Variants in CYS1 observed in about 807,000 individuals in gnomAD.
CYS1 encodes the protein cystin-1.
Under a neutral mutation model 9.6 loss-of-function variants are expected in CYS1, and 5 were observed. The observed-to-expected ratio is 0.52, with a 90% CI of 0.27 to 1.10. The LOEUF (loss-of-function observed/expected upper bound fraction) is 1.10. CYS1 is among the 50% of genes least tolerant of loss of function. The pLI, the probability that CYS1 is intolerant of heterozygous loss-of-function variation, is 0.11. For synonymous variants in CYS1, 88 were observed against 95.7 expected (o/e 0.92, Z 0.47); for missense variants, 221 against 207.9 (o/e 1.06, Z -0.39).
Position 10,058,771 on chromosome 2 carries a change from T to C in CYS1, c.*82A>G, listed in dbSNP as rs1661585156. On this transcript the variant is annotated 3_prime_UTR_variant, in exon 3 of 3. Coordinates refer to ENST00000381813, the MANE Select transcript of CYS1 (RefSeq NM_001037160.3). Reference sequence around the variant, plus strand: ...GACTGCGTTTTGGAGGTGGTTCAGCTCCTGCTAGAGCTCTGTGCAAGCAGA... The same window carrying C: ...GACTGCGTTTTGGAGGTGGTTCAGCCCCTGCTAGAGCTCTGTGCAAGCAGA... The C allele has an allele frequency of 1.6e-6, 2 of 1,249,210 alleles. No individual in the cohort carries two copies. Among genetic ancestry groups the C allele is most frequent in the Non-Finnish European group, 2.2e-6 (2 of 904,624 alleles). 77.4% of individuals were successfully genotyped at this position (1,249,210 alleles called of 1,614,324 possible).
chr2:10,078,577 A>T (rs1661892698), intron 1 of CYS1, among the ~76,000 whole-genome samples: 1 of 152,226 alleles, frequency 6.6e-6, no homozygotes, highest in Admixed American at 6.5e-5. Context: ...GATCACGTCC[A>T]CAGACCCTTC....
chr2:10,058,059 C>T lies in CYS1; in HGVS notation c.*794G>A, dbSNP rs537065507. 1 of 152,256 alleles carries T rather than the reference C, an allele frequency of 6.6e-6. No homozygotes were observed. Among genetic ancestry groups the T allele is most frequent in the African/African-American group, 2.4e-5 (1 of 41,452 alleles). The allele number at this position is 152,256 out of a possible 1,614,324, so 9.4% of individuals were successfully genotyped here. On this transcript the variant is annotated 3_prime_UTR_variant, in exon 3 of 3. Transcript: ENST00000381813. The stretch of plus-strand genomic sequence containing the variant: ...CCCGGTTGGACCTGGGCGCTGGCTC[C>T]CCGCAGGGAAGGCACTGCTGTGCCT...
chr2:10,071,020 GC>G (rs143069513), intron 1 of CYS1, among the ~76,000 whole-genome samples: 2,881 of 152,248 alleles, frequency 0.019, 41 homozygotes, highest in Middle Eastern at 0.037. Flanking sequence ...AGGCTGGAGT[GC>G]AGTGGCGTGA....
At chr2:10,079,704 G>A (rs968610736) in intron 1 of CYS1, among the ~76,000 whole-genome samples, 1 of 151,884 alleles carries the variant, frequency 6.6e-6, no homozygotes, top group Non-Finnish European at 1.5e-5. Context: ...TCGCCCCCAC[G>A]CCTGGACACA....
At chr2:10,065,027 C>G (rs1479283412) in intron 2 of CYS1, among the ~76,000 whole-genome samples, 3 of 152,062 alleles carry the variant, frequency 2.0e-5, no homozygotes, top group African/African-American at 7.2e-5. Flanking sequence ...TAGGCGTGAG[C>G]CACTGGGTCC....
chr2:10,065,167 T>C (rs1661678686), intron 2 of CYS1, among the ~76,000 whole-genome samples: 1 of 152,212 alleles, frequency 6.6e-6, no homozygotes, highest in South Asian at 2.1e-4. Context: ...TCAGCACCGC[T>C]GTGGGGCTCA....
chr2:10,071,890 CCT>C (rs1335304363), intron 1 of CYS1, among the ~76,000 whole-genome samples: 7 of 152,050 alleles, frequency 4.6e-5, no homozygotes, highest in Non-Finnish European at 8.8e-5. Context: ...GTGTGTGCGC[CCT>C]GTTTGTATGT....
intron 1 of CYS1, among the ~76,000 whole-genome samples, chr2:10,070,749 C>T (rs1193298592): frequency 6.6e-5 from 10 of 151,486 alleles, no homozygotes; most frequent in Non-Finnish European, 2.9e-5. Flanking sequence ...GCTCAAGCAA[C>T]GGTCCCATCT....
Position 10,059,098 on chromosome 2 carries a change from G to A in CYS1, c.372-140C>T, listed in dbSNP as rs1661591814. 8.3e-6 allele frequency: 6 copies of A among 721,528 alleles called. No homozygotes were observed. The Admixed American group carries it at 1.1e-4, about 14-fold the overall frequency. 44.7% of individuals were successfully genotyped at this position (721,528 alleles called of 1,614,324 possible). A position where few individuals can be genotyped will look rare whatever the true frequency, so the allele number is the denominator to read the frequency against. On this transcript the variant is annotated intron_variant, in intron 2 of 2. Transcript: ENST00000381813. ...TCTTTGCCCTGGGACACCCTGTGGC[G>A]CTCTCGCCCAGCACATATCCACCAG...
At chr2:10,071,075 C>T (rs1661761482) in intron 1 of CYS1, among the ~76,000 whole-genome samples, 1 of 152,216 alleles carries the variant, frequency 6.6e-6, no homozygotes. Flanking sequence ...AAGCGATTCT[C>T]CTGCCTCAGC....
At chr2:10,079,846 C>T in intron 1 of CYS1, 60 bp downstream of exon 1, 14 of 1,020,778 alleles carry the variant, frequency 1.4e-5, no homozygotes, top group Non-Finnish European at 1.7e-5. Context: ...GGGGCGGGGA[C>T]GCGCGGCCGG....
At chr2:10,065,473 A>T (rs1474888972) in intron 2 of CYS1, among the ~76,000 whole-genome samples, 2 of 152,112 alleles carry the variant, frequency 1.3e-5, no homozygotes, top group Non-Finnish European at 2.9e-5. Flanking sequence ...TGCTACCTTC[A>T]AGGGTGTTCA....
Position 10,063,975 on chromosome 2 carries a change from C to T in CYS1, c.371+1929G>A, listed in dbSNP as rs1304051957. Among the ~76,000 whole-genome samples, 2 of 152,224 alleles carry T rather than the reference C, an allele frequency of 1.3e-5. No homozygotes were observed. The highest frequency in any genetic ancestry group is 4.8e-5 in the African/African-American group (2 of 41,444). On this transcript the variant is annotated intron_variant, in intron 2 of 2. Coordinates refer to ENST00000381813, the MANE Select transcript of CYS1 (RefSeq NM_001037160.3). This position sits in a 1 kb window ranked among gnomAD's most constrained non-coding sequence, Gnocchi z 4.2. Reference sequence around the variant, plus strand: ...CAGTGGCTCACGCCCATAATCCCAGCACTTTGGGAGGCCAAGGTGGGCGGA... The same window carrying T: ...CAGTGGCTCACGCCCATAATCCCAGTACTTTGGGAGGCCAAGGTGGGCGGA...
rs1164591260 is a variant in CYS1 at position 10,074,137 on chromosome 2, T to C, written c.318+5769A>G. 3.5e-5 allele frequency among the ~76,000 whole-genome samples: 5 copies of C among 143,920 alleles called. No homozygotes were observed. In the East Asian group the frequency reaches 9.6e-4, roughly 28 times the overall value. The allele number at this position is 143,920 out of a possible 152,430, so 94.4% of individuals were successfully genotyped here. ...CTCCCTCAGCAACTGTACTCTGGTA[T>C]GGCATCAGCCACTATCCAAATGCTG... On this transcript the variant is annotated intron_variant, in intron 1 of 2. Transcript: ENST00000381813.
In CYS1 at chr2:10,058,881, G is replaced by T; in HGVS notation, c.449C>A (p.Ala150Glu). ...GCGGCAGTACTCCCGCTCGATGCTC[G>T]CCATCAGCCCCTCTTCCGAGTGGTC... ...SYDHSEEGLM[A>E]SIEREYCR is the part of the protein sequence containing the mutation. The change falls in exon 3 of 3, where the codon GCG (alanine) becomes GAG (glutamate). Residue 150 changes from alanine to glutamate, a missense_variant. Physicochemically the swap from Ala to Glu is moderately radical, Grantham distance 107. Transcript: ENST00000381813. The T allele has an allele frequency of 1.3e-6, 2 of 1,591,152 alleles. No homozygotes were observed. The highest frequency in any genetic ancestry group is 1.7e-6 in the Non-Finnish European group (2 of 1,169,544).
At position 10,061,396 on chromosome 2, in the gene CYS1, C is replaced by T. The variant is rs547125851; in HGVS notation, c.372-2438G>A. ...TTGTTGGGAAGAAGAGAAATGGGCA[C>T]GGGACGCCCAGACACCCTCAAGGGC... On this transcript the variant is annotated intron_variant, in intron 2 of 2. Transcript: ENST00000381813. Among the ~76,000 whole-genome samples the T allele has an allele frequency of 9.6e-4, 146 of 152,300 alleles. 1 individual carries two copies. Among genetic ancestry groups the T allele is most frequent in the Non-Finnish European group, 1.6e-3 (106 of 68,030 alleles).
chr2:10,075,036 C>T (rs370676373), intron 1 of CYS1, among the ~76,000 whole-genome samples: 17 of 152,014 alleles, frequency 1.1e-4, no homozygotes, highest in Admixed American at 5.2e-4. Context: ...TGCTGGAACC[C>T]GGGAGGCGGA....
chr2:10,079,855 G>A (rs1553317014), intron 1 of CYS1, 51 bp downstream of exon 1: 1 of 1,047,734 alleles, frequency 9.5e-7, no homozygotes, highest in Non-Finnish European at 1.2e-6. Flanking sequence ...ACGCGCGGCC[G>A]GTGAGTGGGG....
chr2:10,064,380 G>A (rs1408715946), intron 2 of CYS1, among the ~76,000 whole-genome samples: 2 of 152,178 alleles, frequency 1.3e-5, no homozygotes, highest in Non-Finnish European at 1.5e-5. Flanking sequence ...TTCATGGTAG[G>A]ATTTAATCCT....
Sources: gnomAD v4.1 joint callset for allele counts (sites outside exome capture counted in the v4.1 genomes callset) on GRCh38, gnomAD v4.1.1 for gene constraint, Gnocchi (gnomAD v3.1) non-coding constraint, MANE v1.5 for transcripts, NCBI Gene and HGNC (gene_info 2026-07-23, HGNC 2026-07-21) for gene names.